CELF2: variants seen among roughly 807,000 people sequenced by gnomAD.
CELF2 encodes the protein CUG triplet repeat RNA-binding protein 2.
CELF2 carries 8 observed loss-of-function variants against 62.6 expected under a neutral mutation model. The observed-to-expected ratio is 0.13, with a 90% CI of 0.07 to 0.23. The LOEUF is 0.23. Among genes scored for constraint, CELF2 ranks in the 10% least tolerant of loss-of-function variants. CELF2 has a pLI of 1.00. For missense variants in CELF2, 333 were observed against 671.0 expected (o/e 0.50, Z 5.56); for synonymous variants, 258 against 250.0 (o/e 1.03, Z -0.30).
chr10:10,843,766 C>T (rs531118084), intron 1 of CELF2, among the ~76,000 whole-genome samples: 111 of 152,088 alleles, frequency 7.3e-4, no homozygotes, highest in Admixed American at 2.2e-3. Flanking sequence ...AAAGCAGTGA[C>T]GACATTTTGA....
chr10:11,054,801 G>A (rs898251220), intron 1 of CELF2, among the ~76,000 whole-genome samples: 9 of 152,102 alleles, frequency 5.9e-5, no homozygotes, highest in Non-Finnish European at 7.4e-5. Context: ...TGCGACATCC[G>A]CCTCCTGGGT....
At chr10:11,143,014 T>G (rs2061632763) in intron 1 of CELF2, among the ~76,000 whole-genome samples, 1 of 150,654 alleles carries the variant, frequency 6.6e-6, no homozygotes, top group African/African-American at 2.5e-5. Context: ...CTGGGGGGAC[T>G]CACTCCCCTT....
At chr10:11,092,023 A>T (rs1261248363) in intron 1 of CELF2, among the ~76,000 whole-genome samples, 1 of 152,144 alleles carries the variant, frequency 6.6e-6, no homozygotes, top group African/African-American at 2.4e-5. Flanking sequence ...CATTGGGATG[A>T]TCATTTCAAC....
chr10:11,080,919 G>C (rs1049313340), intron 1 of CELF2, among the ~76,000 whole-genome samples: 1 of 152,240 alleles, frequency 6.6e-6, no homozygotes, highest in Non-Finnish European at 1.5e-5. Flanking sequence ...GGCTAGGGCT[G>C]TCTGTCTCAG....
At chr10:11,109,120 G>A (rs1367282930) in intron 1 of CELF2, among the ~76,000 whole-genome samples, 1 of 152,212 alleles carries the variant, frequency 6.6e-6, no homozygotes, top group African/African-American at 2.4e-5. Context: ...TATCTCATAT[G>A]TAGATGTTTA....
the CELF2 span, among the ~76,000 whole-genome samples, chr10:10,740,030 A>C: frequency 2.0e-5 from 3 of 152,062 alleles, no homozygotes; most frequent in Admixed American, 1.3e-4. Flanking sequence ...CTTATTAGAT[A>C]CATGGTTTGC....
chr10:10,665,497 G>A, the CELF2 span, among the ~76,000 whole-genome samples: 5 of 151,980 alleles, frequency 3.3e-5, no homozygotes, highest in South Asian at 4.2e-4. Flanking sequence ...CTCTTCTCAC[G>A]ACCGTGCAGG....
chr10:10,805,031 A>G (rs1334047846), intron 1 of CELF2, among the ~76,000 whole-genome samples: 1 of 152,198 alleles, frequency 6.6e-6, no homozygotes. Context: ...AGGAATTTAT[A>G]TTCTTAGATG....
Position 10,934,828 on chromosome 10 carries a change from C to T in CELF2, c.89+14829C>T, listed in dbSNP as rs1032708004. ...GGTTCGGTTGAAGTCATTTGGCACA[C>T]CCAAATGGGTTTTGCAGTTGTCTTA... On this transcript the variant is annotated intron_variant, in intron 2 of 13. Coordinates refer to the CELF2 transcript ENST00000636488. The surrounding 1 kb of genome is among the most constrained non-coding windows in gnomAD (Gnocchi z 4.4). 6.6e-6 allele frequency: 1 copy of T among 152,176 alleles called. No individual in the cohort carries two copies. Among genetic ancestry groups the T allele is most frequent in the East Asian group, 1.9e-4 (1 of 5,204 alleles). The allele number at this position is 152,176 out of a possible 1,614,324, so 9.4% of individuals were successfully genotyped here. A position where few individuals can be genotyped will look rare whatever the true frequency, so the allele number is the denominator to read the frequency against.
At chr10:11,025,239 G>A (rs12416407) in intron 1 of CELF2, among the ~76,000 whole-genome samples, 6,035 of 140,660 alleles carry the variant, frequency 0.043, 165 homozygotes, top group Middle Eastern at 0.1. Flanking sequence ...GTGTGTGTGT[G>A]TATATGTATG....
rs369902773 is a variant in CELF2, at chr10:11,018,061, C to T, written c.-29C>T. On this transcript the variant is annotated 5_prime_UTR_variant, in exon 1 of 13. Transcript: ENST00000633077. ...CTCGGACGCGCGCAGAGCCGCCCCC[C>T]GCCGCTGCCGCCGCGTGCGCCCGCG... 4.3e-6 allele frequency: 6 copies of T among 1,409,786 alleles called. No homozygotes were observed. Among genetic ancestry groups the T allele is most frequent in the South Asian group, 3.9e-5 (3 of 76,630 alleles). 87.3% of individuals were successfully genotyped at this position (1,409,786 alleles called of 1,614,324 possible). A position where few individuals can be genotyped will look rare whatever the true frequency, so the allele number is the denominator to read the frequency against.
chr10:10,649,860 C>G, the CELF2 span, among the ~76,000 whole-genome samples: 1 of 152,178 alleles, frequency 6.6e-6, no homozygotes, highest in Admixed American at 6.5e-5. Flanking sequence ...AGGCTACATT[C>G]GGATTCCCCT....
At chr10:10,914,507 C>G (rs1408221352) in intron 1 of CELF2, among the ~76,000 whole-genome samples, 7 of 152,170 alleles carry the variant, frequency 4.6e-5, no homozygotes, top group African/African-American at 1.7e-4. Context: ...TCTACCAAAA[C>G]TGTGTCAGAC....
the CELF2 span, among the ~76,000 whole-genome samples, chr10:10,513,010 C>T: frequency 6.6e-6 from 1 of 152,140 alleles, no homozygotes; most frequent in Non-Finnish European, 1.5e-5. Context: ...ACCATGAAAA[C>T]GGTGCCATGG....
At chr10:11,203,591 C>A (rs2059762292) in intron 2 of CELF2, among the ~76,000 whole-genome samples, 1 of 152,184 alleles carries the variant, frequency 6.6e-6, no homozygotes, top group African/African-American at 2.4e-5. Context: ...TGTCAAGACA[C>A]CCCCTCTCCA....
chr10:11,274,961 C>T (rs1439281642), intron 7 of CELF2, 96 bp from the exon 8 acceptor site: 1 of 1,203,448 alleles, frequency 8.3e-7, no homozygotes, highest in Non-Finnish European at 1.2e-6. Context: ...GCAACCAACC[C>T]TGGAAATGCA....
At chr10:10,669,408 CAGAG>C in the CELF2 span, among the ~76,000 whole-genome samples, 1 of 152,160 alleles carries the variant, frequency 6.6e-6, no homozygotes, top group East Asian at 1.9e-4. Context: ...AGAATTGAGA[CAGAG>C]AGAGACCAGG....
At chr10:10,759,739 A>G in the CELF2 span, among the ~76,000 whole-genome samples, 2 of 152,112 alleles carry the variant, frequency 1.3e-5, no homozygotes, top group Non-Finnish European at 2.9e-5. Context: ...ATAAGTCTGA[A>G]TTCTCATCTT....
chr10:10,711,430 G>A, the CELF2 span, among the ~76,000 whole-genome samples: 3 of 152,160 alleles, frequency 2.0e-5, no homozygotes, highest in African/African-American at 7.2e-5. Flanking sequence ...TGAGTCACAA[G>A]GATACTGGGT....
Sources: allele counts gnomAD v4.1 joint callset (sites outside exome capture counted in the v4.1 genomes callset), GRCh38; gene constraint gnomAD v4.1.1; non-coding constraint Gnocchi (gnomAD v3.1); transcripts MANE v1.5; gene names NCBI Gene and HGNC (gene_info 2026-07-23, HGNC 2026-07-21).